The following NKAIN3 variants were observed in gnomAD, a reference collection of about 807,000 sequenced individuals.
NKAIN3 encodes the protein sodium/potassium transporting ATPase interacting 3.
NKAIN3 carries 25 observed loss-of-function variants against 30.2 expected under a neutral mutation model. The observed-to-expected ratio is 0.83, with a 90% CI of 0.60 to 1.16. The LOEUF is 1.16. NKAIN3 is among the 50% of genes most tolerant of loss of function. NKAIN3 has a pLI of 0.00. For missense variants in NKAIN3, 225 were observed against 254.1 expected (o/e 0.89, Z 0.78); for synonymous variants, 91 against 89.6 (o/e 1.02, Z -0.09).
intron 1 of NKAIN3, among the ~76,000 whole-genome samples, chr8:62,399,121 T>G (rs995396110): frequency 2.0e-5 from 3 of 152,032 alleles, no homozygotes; most frequent in African/African-American, 7.2e-5. Flanking sequence ...TTGTCAAAAT[T>G]TATATGGGAT....
At chr8:62,857,205 T>A (rs911133517) in intron 4 of NKAIN3, 1 of 249,958 alleles carries the variant, frequency 4.0e-6, no homozygotes, top group Non-Finnish European at 7.8e-6. Context: ...TCTGAGAGGA[T>A]CACTGTTATT....
At chr8:62,494,960 C>T (rs1003425358) in intron 1 of NKAIN3, among the ~76,000 whole-genome samples, 6 of 152,034 alleles carry the variant, frequency 3.9e-5, no homozygotes, top group Non-Finnish European at 8.8e-5. Context: ...AAAAAAATGA[C>T]TCCTGGATTT....
At chr8:62,429,496 A>ACTTCAGTTTGCTGAGGATTTG (rs368761883) in intron 1 of NKAIN3, among the ~76,000 whole-genome samples, 195 of 152,012 alleles carry the variant, frequency 1.3e-3, no homozygotes, top group African/African-American at 4.6e-3. Context: ...TAGGTTATTG[A>ACTTCAGTTTGCTGAGGATTTG]CTTCAGTTTG....
intron 1 of NKAIN3, among the ~76,000 whole-genome samples, chr8:62,563,986 C>T (rs897385245): frequency 1.3e-5 from 2 of 152,066 alleles, no homozygotes; most frequent in East Asian, 1.9e-4. Flanking sequence ...TTTTAATTTG[C>T]CTTAAATCAA....
In NKAIN3 at chr8:62,447,995, G is replaced by A. The variant is rs531889987; in HGVS notation, c.55-131544G>A. ...AATAGAGAGTATTAGGTGTAACTGC[G>A]CCAAAGGAAAGGAAATCACCTTGAT... is the stretch of plus-strand genomic sequence containing the variant. On this transcript the variant is annotated intron_variant, in intron 1 of 6. Coordinates refer to ENST00000623646, the MANE Select transcript of NKAIN3 (RefSeq NM_001304533.3). Among the ~76,000 whole-genome samples the A allele has an allele frequency of 1.1e-4, 17 of 151,984 alleles. 1 individual carries two copies. Among genetic ancestry groups the A allele is most frequent in the Non-Finnish European group, 4.4e-5 (3 of 67,800 alleles).
At chr8:62,383,895 C>G (rs1275225705) in intron 1 of NKAIN3, among the ~76,000 whole-genome samples, 1 of 119,916 alleles carries the variant, frequency 8.3e-6, no homozygotes, top group Non-Finnish European at 1.8e-5. Context: ...TTTTTTTTTT[C>G]CACAGTAGAC....
At chr8:62,273,493 G>C (rs555376211) in intron 1 of NKAIN3, among the ~76,000 whole-genome samples, 63 of 152,188 alleles carry the variant, frequency 4.1e-4, no homozygotes, top group African/African-American at 1.4e-3. Flanking sequence ...AACATGTTTT[G>C]GTTACTGTAA....
At chr8:62,833,249 C>A (rs1819253496) in intron 4 of NKAIN3, among the ~76,000 whole-genome samples, 1 of 151,842 alleles carries the variant, frequency 6.6e-6, no homozygotes, top group Admixed American at 6.6e-5. Context: ...AGAAAGATCT[C>A]AAATTAATGA....
At chr8:62,600,038 T>C (rs1237695244) in intron 3 of NKAIN3, among the ~76,000 whole-genome samples, 2 of 152,096 alleles carry the variant, frequency 1.3e-5, no homozygotes, top group Non-Finnish European at 2.9e-5. Flanking sequence ...TTTAATACTT[T>C]TATTCCAAAG....
chr8:62,809,636 C>T (rs902613654), intron 4 of NKAIN3, among the ~76,000 whole-genome samples: 2 of 152,134 alleles, frequency 1.3e-5, no homozygotes, highest in African/African-American at 4.8e-5. Context: ...CTGCATTTAT[C>T]TTATCAAAAT....
In NKAIN3 at chr8:62,296,336, CTAAAT is replaced by C. The variant is rs144395712; in HGVS notation, c.54+47211_54+47215del. On this transcript the variant is annotated intron_variant, in intron 1 of 6. Coordinates refer to ENST00000623646, the MANE Select transcript of NKAIN3 (RefSeq NM_001304533.3). ...AGACTGCTGGAAAAAGCTTGACTAA[CTAAAT>C]TGAATGTGTTAGTGTAGACTCTCTG... is the stretch of plus-strand genomic sequence containing the variant. Among the ~76,000 whole-genome samples, 138 of 152,268 alleles carry C rather than the reference CTAAAT, an allele frequency of 9.1e-4. 2 individuals are homozygous for C. In the East Asian group the frequency reaches 0.024, roughly 27 times the overall value.
chr8:62,828,295 T>C (rs899813666), intron 4 of NKAIN3, among the ~76,000 whole-genome samples: 2 of 152,122 alleles, frequency 1.3e-5, no homozygotes, highest in African/African-American at 2.4e-5. Flanking sequence ...AGACAGTTCT[T>C]TGAGGTGATA....
intron 1 of NKAIN3, among the ~76,000 whole-genome samples, chr8:62,556,130 G>T (rs1242114017): frequency 6.6e-6 from 1 of 151,718 alleles, no homozygotes; most frequent in Non-Finnish European, 1.5e-5. Flanking sequence ...TATATATATT[G>T]GTAAACCAGA....
At chr8:62,650,934 T>C (rs1220714757) in intron 3 of NKAIN3, among the ~76,000 whole-genome samples, 2 of 152,162 alleles carry the variant, frequency 1.3e-5, no homozygotes, top group Non-Finnish European at 2.9e-5. Context: ...ATATTTTCTT[T>C]ATGAGAAAAA....
chr8:62,354,694 C>T (rs975243499), intron 1 of NKAIN3, among the ~76,000 whole-genome samples: 12 of 152,152 alleles, frequency 7.9e-5, no homozygotes, highest in South Asian at 4.1e-4. Context: ...CAACCTGCCT[C>T]GGCCTTCCAA....
chr8:62,383,477 G>T (rs1425409553), intron 1 of NKAIN3: 1 of 454,414 alleles, frequency 2.2e-6, no homozygotes, highest in African/African-American at 2.0e-5. Context: ...TCCAGAATAG[G>T]GCACTTTTGT....
intron 3 of NKAIN3, among the ~76,000 whole-genome samples, chr8:62,689,219 A>G (rs1359681535): frequency 6.6e-6 from 1 of 152,194 alleles, no homozygotes; most frequent in Non-Finnish European, 1.5e-5. Flanking sequence ...GTGATGCAAC[A>G]AAAAGTGCTT....
intron 4 of NKAIN3, among the ~76,000 whole-genome samples, chr8:62,767,485 T>C (rs1816878341): frequency 1.3e-5 from 2 of 152,068 alleles, no homozygotes; most frequent in Admixed American, 1.3e-4. Flanking sequence ...AGGATCCAGT[T>C]ATGCTCAACC....
In NKAIN3 at chr8:62,995,894, T is replaced by C. The variant is rs1050894443; in HGVS notation, c.533-3337T>C. Among the ~76,000 whole-genome samples, 3 of 152,310 alleles carry C rather than the reference T, an allele frequency of 2.0e-5. No individual in the cohort carries two copies. In the South Asian group the frequency reaches 6.2e-4, roughly 32 times the overall value. On this transcript the variant is annotated intron_variant, in intron 5 of 5. Coordinates refer to the NKAIN3 transcript ENST00000519049. Reference sequence around the variant, plus strand: ...GCATCACCTGGGAGCTTGTTAGAAATGCAAATTCTCAAGCCTCACCTCAGA... The same window carrying C: ...GCATCACCTGGGAGCTTGTTAGAAACGCAAATTCTCAAGCCTCACCTCAGA...
Sources: allele counts gnomAD v4.1 joint callset (sites outside exome capture counted in the v4.1 genomes callset), GRCh38; gene constraint gnomAD v4.1.1; transcripts MANE v1.5; gene names NCBI Gene and HGNC (gene_info 2026-07-23, HGNC 2026-07-21).